Variants in COL4A6 observed in about 807,000 individuals in gnomAD.
COL4A6 encodes the protein collagen type IV alpha 6 chain.
A neutral mutation model predicts 126.7 loss-of-function variants in COL4A6; 59 were observed. The observed-to-expected ratio is 0.47, with a 90% CI of 0.38 to 0.58. COL4A6 has a LOEUF of 0.58. Ranked by LOEUF, COL4A6 falls within the 20% of genes least tolerant of loss-of-function variation. The probability of loss-of-function intolerance (pLI) is 0.00; values close to 1 mark genes in which losing one functional copy is unlikely to be tolerated. For synonymous variants in COL4A6, 547 were observed against 496.6 expected, an observed-to-expected ratio of 1.10 and a Z score of -1.35; for missense variants, 1,285 against 1,337.3, an observed-to-expected ratio of 0.96 and a Z score of 0.61.
intron 3 of COL4A6, among the ~76,000 whole-genome samples, chrX:108,294,050 T>C (rs1303120108): frequency 1.8e-5 from 2 of 112,239 alleles, no homozygotes; most frequent in African/African-American, 6.5e-5. Context: ...ATTGAGCATG[T>C]ACTCTGTTTC....
intron 3 of COL4A6, among the ~76,000 whole-genome samples, chrX:108,278,396 T>C (rs1356582362): frequency 4.5e-5 from 5 of 111,420 alleles, no homozygotes; most frequent in Non-Finnish European, 7.5e-5. Flanking sequence ...GTATCAGTGA[T>C]GGAAGATGAA....
At chrX:108,379,460 T>G (rs1357725250) in intron 2 of COL4A6, among the ~76,000 whole-genome samples, 1 of 97,818 alleles carries the variant, frequency 1.0e-5, no homozygotes, top group Non-Finnish European at 2.1e-5. Flanking sequence ...TTTTTTTTTG[T>G]AGAGAAGGGG....
intron 3 of COL4A6, among the ~76,000 whole-genome samples, chrX:108,300,567 C>T (rs1277479583): frequency 1.8e-5 from 2 of 111,147 alleles, no homozygotes; most frequent in African/African-American, 6.6e-5. Context: ...GGATAACCCT[C>T]ACCAAATTAA....
intron 2 of COL4A6, among the ~76,000 whole-genome samples, chrX:108,384,998 G>GCCT (rs1310849498): frequency 1.8e-5 from 2 of 110,932 alleles, no homozygotes; most frequent in Admixed American, 9.6e-5. Flanking sequence ...GCAGTAGACC[G>GCCT]CCTTATCTGT....
chrX:108,232,380 C>T (rs1289243767), intron 3 of COL4A6, among the ~76,000 whole-genome samples: 1 of 111,587 alleles, frequency 9.0e-6, no homozygotes, highest in Non-Finnish European at 1.9e-5. Flanking sequence ...AACTAAACAC[C>T]TTTGTAACTA....
intron 2 of COL4A6, among the ~76,000 whole-genome samples, chrX:108,389,012 T>C (rs2040769361): frequency 8.9e-6 from 1 of 111,962 alleles, no homozygotes; most frequent in Non-Finnish European, 1.9e-5. Flanking sequence ...AGTTTCCAGG[T>C]AATTGTGTGG....
Position 108,162,925 on chromosome X carries a change from C to T in COL4A6, c.4183G>A (p.Asp1395Asn), listed in dbSNP as rs868114767. The T allele has an allele frequency of 8.3e-7, 1 of 1,200,025 alleles. No homozygotes were observed. The highest frequency in any genetic ancestry group is 3.1e-5 in the East Asian group (1 of 32,745). The change falls in exon 41 of 45, where the codon GAC becomes AAC. Residue 1395 changes from aspartate to asparagine, a missense_variant. Coordinates refer to ENST00000334504, the MANE Select transcript of COL4A6 (RefSeq NM_033641.4). ...CCTACAGGGCCTTGAGCCCCAGGGT[C>T]CCCAGTGAGGCCAGGGATGCCATCG... is the stretch of plus-strand genomic sequence containing the variant. The part of the protein sequence containing the change: ...GIDGIPGLTG[D>N]PGAQGPVGLQ...
At chrX:108,280,689 C>A (rs1245935529) in intron 3 of COL4A6, among the ~76,000 whole-genome samples, 2 of 110,958 alleles carry the variant, frequency 1.8e-5, no homozygotes, top group East Asian at 2.8e-4. Context: ...GAGACACAAC[C>A]AAAAAAGAGA....
intron 2 of COL4A6, among the ~76,000 whole-genome samples, chrX:108,314,499 GGA>G (rs1012911782): frequency 8.9e-6 from 1 of 111,836 alleles, no homozygotes; most frequent in African/African-American, 3.3e-5. Context: ...TGTTGTTATG[GGA>G]GAGTCTTTGC....
chrX:108,205,720 A>C lies in COL4A6; in HGVS notation c.610-25T>G, dbSNP rs748874689. 9 of 1,181,649 alleles carry C rather than the reference A, an allele frequency of 7.6e-6. No homozygotes were observed. The Admixed American group carries it at 2.0e-4, about 26-fold the overall frequency. On this transcript the variant is annotated intron_variant, in intron 9 of 44. Coordinates refer to ENST00000334504, the MANE Select transcript of COL4A6 (RefSeq NM_033641.4). Reference sequence around the variant, plus strand: ...CCTAGATTTTTTTTAAAAATAAGAAAGAGTTAGCACTTGTTAGTTTCAGTC... The same window carrying C: ...CCTAGATTTTTTTTAAAAATAAGAACGAGTTAGCACTTGTTAGTTTCAGTC...
In COL4A6 at chrX:108,430,256, G is replaced by A. The variant is rs774113214; in HGVS notation, c.63+7686C>T. On this transcript the variant is annotated intron_variant, in intron 2 of 44. Coordinates refer to ENST00000334504, the MANE Select transcript of COL4A6 (RefSeq NM_033641.4). ...TCCAGAGAGAGGGACTGCATATCCA[G>A]GGGCAAAGAGATGTGAAAGAATATA... 1.9e-3 allele frequency among the ~76,000 whole-genome samples: 208 copies of A among 111,818 alleles called. 1 individual carries two copies. The highest frequency in any genetic ancestry group is 6.7e-3 in the African/African-American group (205 of 30,777).
At chrX:108,379,252 C>T (rs1245217122) in intron 2 of COL4A6, among the ~76,000 whole-genome samples, 1 of 109,804 alleles carries the variant, frequency 9.1e-6, no homozygotes, top group East Asian at 2.8e-4. Context: ...CGTTAAATTC[C>T]TTTATTTTTA....
intron 2 of COL4A6, among the ~76,000 whole-genome samples, chrX:108,396,222 G>A (rs1165033087): frequency 9.0e-6 from 1 of 110,892 alleles, no homozygotes; most frequent in Non-Finnish European, 1.9e-5. Flanking sequence ...GTATGTGAGA[G>A]CACTAGCCTG....
At chrX:108,157,499 C>T (rs773660396) in intron 44 of COL4A6, among the ~76,000 whole-genome samples, 1 of 111,615 alleles carries the variant, frequency 9.0e-6, no homozygotes, top group African/African-American at 3.3e-5. Flanking sequence ...CCCTAGTGCC[C>T]TCCTAACCCA....
At chrX:108,394,222 C>T (rs748780802) in intron 2 of COL4A6, among the ~76,000 whole-genome samples, 32 of 109,906 alleles carry the variant, frequency 2.9e-4, no homozygotes, top group Non-Finnish European at 5.1e-4. Flanking sequence ...GGGAGTTGAA[C>T]GATGAGAGTG....
intron 3 of COL4A6, among the ~76,000 whole-genome samples, chrX:108,303,899 C>T (rs1289902175): frequency 9.0e-6 from 1 of 111,730 alleles, no homozygotes; most frequent in Non-Finnish European, 1.9e-5. Context: ...ACATCACCTT[C>T]CGTATCTCAC....
At chrX:108,358,596 C>T (rs1325119934) in intron 2 of COL4A6, among the ~76,000 whole-genome samples, 3 of 110,600 alleles carry the variant, frequency 2.7e-5, no homozygotes, top group Non-Finnish European at 5.7e-5. Flanking sequence ...GGTTTCTTCA[C>T]GTTGGCCAGG....
intron 2 of COL4A6, among the ~76,000 whole-genome samples, chrX:108,378,810 A>G (rs1343488993): frequency 1.8e-5 from 2 of 113,313 alleles, no homozygotes; most frequent in Admixed American, 1.9e-4. Flanking sequence ...ATTTTTGTAA[A>G]TAAAATTTTA....
At chrX:108,173,842 C>T (rs2034391795) in intron 31 of COL4A6, among the ~76,000 whole-genome samples, 1 of 112,510 alleles carries the variant, frequency 8.9e-6, no homozygotes, top group Non-Finnish European at 1.9e-5. Context: ...TGCTAAGCCA[C>T]CTCTTCCACC....
Sources: allele counts gnomAD v4.1 joint callset (sites outside exome capture counted in the v4.1 genomes callset), GRCh38; gene constraint gnomAD v4.1.1; transcripts MANE v1.5; gene names NCBI Gene and HGNC (gene_info 2026-07-23, HGNC 2026-07-21).